Variants in CACNG7 observed in about 807,000 individuals in gnomAD.
CACNG7 encodes the protein calcium voltage-gated channel auxiliary subunit gamma 7, also known as voltage-dependent calcium channel gamma-7 subunit.
Under a neutral mutation model 26.3 loss-of-function variants are expected in CACNG7, and 9 were observed. That is an observed-to-expected ratio of 0.34 (90% CI 0.21 to 0.60). The LOEUF is 0.60. Ranked by LOEUF, CACNG7 falls within the 20% of genes least tolerant of loss-of-function variation. CACNG7 has a pLI of 0.81. For synonymous variants in CACNG7, 170 were observed against 157.0 expected, an observed-to-expected ratio of 1.08 and a Z score of -0.62; for missense variants, 297 against 380.4, an observed-to-expected ratio of 0.78 and a Z score of 1.82.
Position 53,912,799 on chromosome 19 carries a change from A to C in CACNG7, c.-29-4A>C. 1 of 1,606,748 alleles carries C rather than the reference A, an allele frequency of 6.2e-7. No homozygotes were observed. Among genetic ancestry groups the C allele is most frequent in the East Asian group, 2.2e-5 (1 of 44,858 alleles). ...AGCTCTGCACTGTAGCTTCCCTTCC[A>C]CAGGCCCCGCAGGGCGCCCCCTGCC... On this transcript the variant is annotated splice_polypyrimidine_tract_variant and splice_region_variant and intron_variant, in intron 1 of 5. Coordinates refer to ENST00000391767, the MANE Select transcript of CACNG7 (RefSeq NM_031896.5). The surrounding 1 kb of genome is among the most constrained non-coding windows in gnomAD (Gnocchi z 4.6).
At chr19:53,917,197 G>C (rs781521508) in intron 4 of CACNG7, among the ~76,000 whole-genome samples, 37 of 152,088 alleles carry the variant, frequency 2.4e-4, no homozygotes, top group Non-Finnish European at 4.9e-4. Context: ...AACTCAGCTC[G>C]AGTACATTTA....
rs1181270397 is a variant in CACNG7 at position 53,925,123 on chromosome 19, T to C, written c.424+9618T>C. 6.3e-4 allele frequency among the ~76,000 whole-genome samples: 58 copies of C among 92,798 alleles called. 1 individual carries two copies. Among genetic ancestry groups the C allele is most frequent in the African/African-American group, 1.1e-3 (19 of 17,840 alleles). The allele number at this position is 92,798 out of a possible 152,430, so 60.9% of individuals were successfully genotyped here. On this transcript the variant is annotated intron_variant, in intron 4 of 5. Coordinates refer to ENST00000391767, the MANE Select transcript of CACNG7 (RefSeq NM_031896.5). ...GGACTTGCCTAGGGCTGGTCATTGG[T>C]GGACTTGCCTAGGGCTGGTCATTGG...
At chr19:53,928,848 C>A (rs777089775) in intron 4 of CACNG7, among the ~76,000 whole-genome samples, 2 of 152,008 alleles carry the variant, frequency 1.3e-5, no homozygotes, top group Non-Finnish European at 2.9e-5. Context: ...CGGTAGCTCA[C>A]GCCTGTAATC....
intron 4 of CACNG7, among the ~76,000 whole-genome samples, chr19:53,927,967 G>A (rs1480728439): frequency 1.3e-5 from 2 of 152,000 alleles, no homozygotes; most frequent in Non-Finnish European, 2.9e-5. Context: ...TGGAATGTAG[G>A]TGACTCTTGC....
chr19:53,912,102 G>A lies in CACNG7; in HGVS notation c.-29-701G>A, dbSNP rs1266137295. Among the ~76,000 whole-genome samples the A allele has an allele frequency of 6.6e-6, 1 of 152,178 alleles. No homozygotes were observed. The highest frequency in any genetic ancestry group is 1.5e-5 in the Non-Finnish European group (1 of 68,030). ...TTAAGACTGGGTAGCCTGGGTTAGA[G>A]TTTCTGGCCAGCTCAAGTTGTAGAG... On this transcript the variant is annotated intron_variant, in intron 1 of 5. Coordinates refer to ENST00000391767, the MANE Select transcript of CACNG7 (RefSeq NM_031896.5). The surrounding 1 kb of genome is among the most constrained non-coding windows in gnomAD (Gnocchi z 4.6).
intron 4 of CACNG7, among the ~76,000 whole-genome samples, chr19:53,934,902 G>A (rs1282681356): frequency 2.6e-5 from 4 of 151,754 alleles, no homozygotes; most frequent in African/African-American, 7.3e-5. Flanking sequence ...ACTACAGGAC[G>A]CTTGTAAAAA....
rs768543537 is a variant in CACNG7, at chr19:53,915,504, G to C, written c.423G>C (p.Ser141=). The part of the protein sequence containing the change: ...AFVSGIFFIL[S]GLSLVVGLVL... ...TCTCTGGCATCTTCTTCATACTATC[G>C]GGTGAGCCTAAGGACTTGGGGGTTG... Residue 141 remains serine, a splice_region_variant and synonymous_variant, in exon 4 of 6, where the codon TCG becomes TCC. Coordinates refer to ENST00000391767, the MANE Select transcript of CACNG7 (RefSeq NM_031896.5). 2 of 1,614,012 alleles carry C rather than the reference G, an allele frequency of 1.2e-6. No individual in the cohort carries two copies. The highest frequency in any genetic ancestry group is 1.7e-6 in the Non-Finnish European group (2 of 1,179,980).
chr19:53,914,619 C>A, intron 3 of CACNG7, 33 bp downstream of exon 3: 1 of 1,582,906 alleles, frequency 6.3e-7, no homozygotes, highest in Non-Finnish European at 8.7e-7. Flanking sequence ...AGGCACAAGA[C>A]AGCAAGATCA....
chr19:53,922,883 G>GC (rs375109425), intron 4 of CACNG7, among the ~76,000 whole-genome samples: 5,258 of 74,372 alleles, frequency 0.071, 906 homozygotes, highest in Non-Finnish European at 0.092. Flanking sequence ...GTTGACTCAG[G>GC]CTGGTCATTG....
At chr19:53,941,727 A>G in intron 5 of CACNG7, 112 bp downstream of exon 5, 2 of 1,343,754 alleles carry the variant, frequency 1.5e-6, no homozygotes, top group Non-Finnish European at 2.1e-6. Flanking sequence ...CTGGCGTCAG[A>G]GGGAGGTGGT....
chr19:53,924,034 T>C (rs2068995906), intron 4 of CACNG7, among the ~76,000 whole-genome samples: 1 of 140,322 alleles, frequency 7.1e-6, no homozygotes, highest in South Asian at 2.3e-4. Flanking sequence ...TTGGTGGAGT[T>C]GCCCCAGGCC....
chr19:53,924,343 T>C (rs1348987002), intron 4 of CACNG7, among the ~76,000 whole-genome samples: 85 of 123,290 alleles, frequency 6.9e-4, no homozygotes, highest in African/African-American at 2.6e-3. Flanking sequence ...TTGCCGCAGG[T>C]CTGGTCATTG....
intron 4 of CACNG7, among the ~76,000 whole-genome samples, chr19:53,937,220 C>T (rs307918): frequency 0.82 from 124,364 of 152,154 alleles, 50,980 homozygotes; most frequent in East Asian, 0.97. Context: ...AGTCATGCTG[C>T]GATAAATCAG....
intron 4 of CACNG7, among the ~76,000 whole-genome samples, chr19:53,931,404 T>C (rs1349430621): frequency 6.6e-6 from 1 of 151,750 alleles, no homozygotes; most frequent in Non-Finnish European, 1.5e-5. Context: ...GTCTCTTTTT[T>C]GGCTGGGCGC....
chr19:53,931,928 A>C (rs540537187), intron 4 of CACNG7, among the ~76,000 whole-genome samples: 2 of 150,372 alleles, frequency 1.3e-5, no homozygotes, highest in Non-Finnish European at 3.0e-5. Flanking sequence ...CGCCCGGCTA[A>C]TTTTTTCTAT....
At chr19:53,930,407 C>G (rs1309699701) in intron 4 of CACNG7, among the ~76,000 whole-genome samples, 1 of 152,102 alleles carries the variant, frequency 6.6e-6, no homozygotes, top group East Asian at 1.9e-4. Flanking sequence ...GAGTCTCACT[C>G]TTTTGCCCAG....
In CACNG7 at chr19:53,940,360, A is replaced by G. The variant is rs2069130037; in HGVS notation, c.425-1110A>G. On this transcript the variant is annotated intron_variant, in intron 4 of 5. Coordinates refer to ENST00000391767, the MANE Select transcript of CACNG7 (RefSeq NM_031896.5). This position sits in a 1 kb window ranked among gnomAD's most constrained non-coding sequence, Gnocchi z 4.1. ...CAAGAACAGTGCCTGGCACAGACCA[A>G]GACCTATATAAGTCGTTGCTATTAT... Among the ~76,000 whole-genome samples, 1 of 152,162 alleles carries G rather than the reference A, an allele frequency of 6.6e-6. No individual in the cohort carries two copies. The highest frequency in any genetic ancestry group is 2.4e-5 in the African/African-American group (1 of 41,438).
chr19:53,933,661 ATTTTT>A, intron 4 of CACNG7, among the ~76,000 whole-genome samples: 1 of 136,240 alleles, frequency 7.3e-6, no homozygotes. Flanking sequence ...TGCAGGTTTG[ATTTTT>A]TTTTTTTTTT....
rs568959296 is a variant in CACNG7, at chr19:53,912,633, C to T, written c.-29-170C>T. 3 of 571,598 alleles carry T rather than the reference C, an allele frequency of 5.2e-6. No homozygotes were observed. Among genetic ancestry groups the T allele is most frequent in the African/African-American group, 1.9e-5 (1 of 53,192 alleles). The allele number at this position is 571,598 out of a possible 1,614,324, so 35.4% of individuals were successfully genotyped here. ...GGCTGAGGCTCAACAGTTGGTGTCT[C>T]TGGTCAGACTCTAGGGTTGGGGTCA... On this transcript the variant is annotated intron_variant, in intron 1 of 5. Transcript: ENST00000391767. This position sits in a 1 kb window ranked among gnomAD's most constrained non-coding sequence, Gnocchi z 4.6.
Sources: allele counts gnomAD v4.1 joint callset (sites outside exome capture counted in the v4.1 genomes callset), GRCh38; gene constraint gnomAD v4.1.1; non-coding constraint Gnocchi (gnomAD v3.1); transcripts MANE v1.5; gene names NCBI Gene and HGNC (gene_info 2026-07-23, HGNC 2026-07-21).